The following PRKG1 variants were observed in gnomAD, a reference collection of about 807,000 sequenced individuals.
The protein encoded by PRKG1 is protein kinase cGMP-dependent 1, also known as cGMP-dependent protein kinase 1.
A neutral mutation model predicts 88.1 loss-of-function variants in PRKG1; 35 were observed. That is an observed-to-expected ratio of 0.40 (90% CI 0.30 to 0.53). The LOEUF (loss-of-function observed/expected upper bound fraction) is 0.53. Among genes scored for constraint, PRKG1 ranks in the 20% least tolerant of loss-of-function variants. The probability of loss-of-function intolerance (pLI) is 0.59; values close to 1 mark genes in which losing one functional copy is unlikely to be tolerated. For missense variants in PRKG1, 540 were observed against 839.8 expected (o/e 0.64, Z 4.41); for synonymous variants, 303 against 292.5 (o/e 1.04, Z -0.37).
At chr10:50,995,546 A>G (rs1842828866) in intron 1 of PRKG1, among the ~76,000 whole-genome samples, 2 of 152,196 alleles carry the variant, frequency 1.3e-5, no homozygotes, top group African/African-American at 2.4e-5. Flanking sequence ...TATATTTTAA[A>G]TACTGTTTTT....
chr10:52,068,888 G>C (rs1332417816), intron 7 of PRKG1, among the ~76,000 whole-genome samples: 1 of 152,168 alleles, frequency 6.6e-6, no homozygotes, highest in Non-Finnish European at 1.5e-5. Context: ...GGTTCTCTGA[G>C]AGTTGGCCCT....
intron 9 of PRKG1, among the ~76,000 whole-genome samples, chr10:52,204,842 AG>A (rs1839773633): frequency 6.6e-6 from 1 of 152,180 alleles, no homozygotes; most frequent in African/African-American, 2.4e-5. Flanking sequence ...AGTGGTTTTC[AG>A]GGAACAAGGG....
intron 4 of PRKG1, among the ~76,000 whole-genome samples, chr10:51,816,733 C>T (rs1041138837): frequency 6.6e-5 from 10 of 152,000 alleles, no homozygotes; most frequent in Non-Finnish European, 1.5e-4. Flanking sequence ...AGAAGAACTC[C>T]AATTAAGCAG....
At chr10:51,250,863 C>T (rs1839409279) in intron 2 of PRKG1, among the ~76,000 whole-genome samples, 1 of 151,692 alleles carries the variant, frequency 6.6e-6, no homozygotes, top group Non-Finnish European at 1.5e-5. Flanking sequence ...CTCTCTATGC[C>T]TTCCAGCCCT....
chr10:51,183,286 G>A (rs959367949), intron 2 of PRKG1, among the ~76,000 whole-genome samples: 1 of 152,150 alleles, frequency 6.6e-6, no homozygotes, highest in African/African-American at 2.4e-5. Context: ...AGCGCAAAAA[G>A]GGATTCATTA....
At chr10:51,811,352 G>T (rs548208936) in intron 4 of PRKG1, among the ~76,000 whole-genome samples, 1 of 151,838 alleles carries the variant, frequency 6.6e-6, no homozygotes, top group Non-Finnish European at 1.5e-5. Flanking sequence ...GCCCTTACAA[G>T]CTTTTCCTTC....
At chr10:51,668,357 A>G (rs1390175649) in intron 3 of PRKG1, among the ~76,000 whole-genome samples, 1 of 152,056 alleles carries the variant, frequency 6.6e-6, no homozygotes, top group African/African-American at 2.4e-5. Context: ...AAGAATTTTG[A>G]CTCCATAGAA....
chr10:50,994,709 T>A (rs545042648), intron 1 of PRKG1, among the ~76,000 whole-genome samples: 2 of 151,966 alleles, frequency 1.3e-5, no homozygotes, highest in African/African-American at 4.8e-5. Context: ...ACCCAGTTTT[T>A]ATACCAACAA....
At chr10:51,135,651 A>ATT (rs1387440793) in intron 1 of PRKG1, among the ~76,000 whole-genome samples, 3 of 152,152 alleles carry the variant, frequency 2.0e-5, no homozygotes, top group Non-Finnish European at 4.4e-5. Flanking sequence ...TGGTGTCAAA[A>ATT]TCAGGAAATT....
intron 1 of PRKG1, among the ~76,000 whole-genome samples, chr10:51,137,086 C>A (rs1487824475): frequency 6.6e-6 from 1 of 151,930 alleles, no homozygotes; most frequent in Non-Finnish European, 1.5e-5. Flanking sequence ...GGGGTTTCAC[C>A]GTGTTAACCA....
At chr10:51,407,321 T>C (rs1249728198) in intron 2 of PRKG1, among the ~76,000 whole-genome samples, 1 of 152,168 alleles carries the variant, frequency 6.6e-6, no homozygotes, top group Non-Finnish European at 1.5e-5. Flanking sequence ...ATTACACTTA[T>C]CATAAAACAA....
chr10:51,014,075 TG>T (rs774797594), intron 1 of PRKG1, among the ~76,000 whole-genome samples: 1 of 152,222 alleles, frequency 6.6e-6, no homozygotes, highest in Non-Finnish European at 1.5e-5. Flanking sequence ...TTGAGGGCAA[TG>T]GAAGAATGAA....
At chr10:51,150,562 G>A (rs1481218162) in intron 1 of PRKG1, among the ~76,000 whole-genome samples, 6 of 152,094 alleles carry the variant, frequency 3.9e-5, no homozygotes, top group Admixed American at 3.9e-4. Flanking sequence ...GAGACAAATT[G>A]TGACAATTCA....
chr10:51,704,306 T>G (rs1365451554), intron 3 of PRKG1, among the ~76,000 whole-genome samples: 1 of 152,046 alleles, frequency 6.6e-6, no homozygotes. Flanking sequence ...CCTCAGCACC[T>G]GGGATAGAGC....
At chr10:51,624,844 G>A (rs1212756475) in intron 3 of PRKG1, among the ~76,000 whole-genome samples, 1 of 152,174 alleles carries the variant, frequency 6.6e-6, no homozygotes, top group Non-Finnish European at 1.5e-5. Context: ...TCACTCATAT[G>A]TTGAATCTTT....
chr10:50,995,559 G>A (rs971768154), intron 1 of PRKG1, among the ~76,000 whole-genome samples: 4 of 152,050 alleles, frequency 2.6e-5, no homozygotes, highest in African/African-American at 7.2e-5. Context: ...CTGTTTTTCT[G>A]CCAAAGAACT....
At chr10:51,600,107 C>T (rs1228702054) in intron 3 of PRKG1, among the ~76,000 whole-genome samples, 1 of 152,088 alleles carries the variant, frequency 6.6e-6, no homozygotes, top group East Asian at 1.9e-4. Context: ...TCTCCTTCTT[C>T]GAATTATGTA....
chr10:51,132,344 T>A (rs1452871075), intron 1 of PRKG1, among the ~76,000 whole-genome samples: 2 of 152,188 alleles, frequency 1.3e-5, no homozygotes, highest in African/African-American at 4.8e-5. Context: ...AATTATTTAT[T>A]ACTACACCTC....
chr10:52,177,814 T>TTTGTATTTCTGTGGTCTCTATTGTG (rs1838905074), intron 9 of PRKG1, among the ~76,000 whole-genome samples: 1 of 152,062 alleles, frequency 6.6e-6, no homozygotes, highest in African/African-American at 2.4e-5. Flanking sequence ...CTTATGATCC[T>TTTGTATTTCTGTGGTCTCTATTGTG]TTGTATTTCT....
Sources: allele counts gnomAD v4.1 joint callset (sites outside exome capture counted in the v4.1 genomes callset), GRCh38; gene constraint gnomAD v4.1.1; transcripts MANE v1.5; gene names NCBI Gene and HGNC (gene_info 2026-07-23, HGNC 2026-07-21).